Variants in SGCD observed in about 807,000 individuals in gnomAD.
SGCD encodes the protein sarcoglycan delta, also known as delta-sarcoglycan.
A neutral mutation model predicts 36.6 loss-of-function variants in SGCD; 18 were observed. That is an observed-to-expected ratio of 0.49 (90% CI 0.34 to 0.73). SGCD has a LOEUF of 0.73. SGCD is among the 30% of genes least tolerant of loss of function. The pLI is 0.01. For synonymous variants in SGCD, 133 were observed against 130.6 expected, an observed-to-expected ratio of 1.02 and a Z score of -0.12; for missense variants, 387 against 346.7, an observed-to-expected ratio of 1.12 and a Z score of -0.92.
intron 7 of SGCD, among the ~76,000 whole-genome samples, chr5:156,649,070 C>T (rs462375): frequency 0.89 from 134,858 of 152,162 alleles, 59,853 homozygotes; most frequent in East Asian, 0.99. Flanking sequence ...AGATAATTCT[C>T]AAAAGAAGAC....
chr5:156,537,271 A>G (rs1758155603), intron 4 of SGCD, among the ~76,000 whole-genome samples: 1 of 152,030 alleles, frequency 6.6e-6, no homozygotes, highest in Non-Finnish European at 1.5e-5. Context: ...ATGATCATCC[A>G]TCTTTTACCT....
At chr5:156,474,980 G>T (rs576014942) in intron 3 of SGCD, among the ~76,000 whole-genome samples, 2 of 152,166 alleles carry the variant, frequency 1.3e-5, no homozygotes, top group Non-Finnish European at 2.9e-5. Context: ...ATGAGCTAAT[G>T]CATGTAGAGA....
intron 4 of SGCD, among the ~76,000 whole-genome samples, chr5:156,566,930 A>G (rs1759503377): frequency 6.6e-6 from 1 of 152,134 alleles, no homozygotes; most frequent in Admixed American, 6.5e-5. Flanking sequence ...CATACTAGTG[A>G]GTTCTAATCT....
intron 1 of SGCD, among the ~76,000 whole-genome samples, chr5:155,945,499 A>G (rs1757420632): frequency 6.6e-6 from 1 of 152,200 alleles, no homozygotes; most frequent in Non-Finnish European, 1.5e-5. Flanking sequence ...ATGCAACTAC[A>G]AATGATGGTA....
the SGCD span, among the ~76,000 whole-genome samples, chr5:155,819,188 A>G: frequency 2.6e-5 from 4 of 152,190 alleles, no homozygotes; most frequent in South Asian, 2.1e-4. Flanking sequence ...GAAATCCCAA[A>G]TATATTTTGA....
At chr5:155,729,520 T>G in the SGCD span, among the ~76,000 whole-genome samples, 1 of 152,236 alleles carries the variant, frequency 6.6e-6, no homozygotes, top group Non-Finnish European at 1.5e-5. Flanking sequence ...TATCTTTTGC[T>G]GACGGATCCA....
chr5:156,312,087 G>A (rs1386057553), intron 3 of SGCD, among the ~76,000 whole-genome samples: 1 of 152,174 alleles, frequency 6.6e-6, no homozygotes, highest in East Asian at 1.9e-4. Flanking sequence ...ATCACAGGAA[G>A]GCAAAGGAAA....
At chr5:155,762,976 C>T in the SGCD span, among the ~76,000 whole-genome samples, 1 of 152,180 alleles carries the variant, frequency 6.6e-6, no homozygotes, top group Admixed American at 6.5e-5. Context: ...TTTCCCCACT[C>T]CTGAATTGAC....
chr5:156,244,163 C>A (rs1765381338), intron 3 of SGCD, among the ~76,000 whole-genome samples: 1 of 152,068 alleles, frequency 6.6e-6, no homozygotes, highest in African/African-American at 2.4e-5. Context: ...AAGATGCAAC[C>A]CTGTCAAAGA....
At chr5:156,174,576 G>C (rs1050628694) in intron 3 of SGCD, among the ~76,000 whole-genome samples, 5 of 152,200 alleles carry the variant, frequency 3.3e-5, no homozygotes, top group South Asian at 2.1e-4. Flanking sequence ...CAAGAGCAAA[G>C]TACAGAGATG....
chr5:155,749,962 G>T, the SGCD span, among the ~76,000 whole-genome samples: 177 of 152,264 alleles, frequency 1.2e-3, no homozygotes, highest in African/African-American at 4.1e-3. Flanking sequence ...CTTTGCTTTT[G>T]TTGAAGCTGT....
At chr5:156,257,311 A>G (rs2127663602) in intron 3 of SGCD, among the ~76,000 whole-genome samples, 1 of 151,956 alleles carries the variant, frequency 6.6e-6, no homozygotes, top group South Asian at 2.1e-4. Context: ...CGTCTCTACT[A>G]AAAATACAAA....
chr5:156,524,324 G>T (rs1757561257), intron 4 of SGCD, among the ~76,000 whole-genome samples: 1 of 142,658 alleles, frequency 7.0e-6, no homozygotes, highest in South Asian at 2.2e-4. Flanking sequence ...CAGGAGTTAA[G>T]AAACTAGGAT....
At chr5:156,619,038 T>C (rs866696951) in intron 6 of SGCD, among the ~76,000 whole-genome samples, 23 of 148,440 alleles carry the variant, frequency 1.5e-4, no homozygotes, top group African/African-American at 5.2e-4. Flanking sequence ...TTTTTTTTTT[T>C]CTTCTGAGAC....
intron 4 of SGCD, among the ~76,000 whole-genome samples, chr5:156,554,075 A>C (rs1229449961): frequency 6.6e-6 from 1 of 152,084 alleles, no homozygotes; most frequent in Non-Finnish European, 1.5e-5. Context: ...ACATTTTGAG[A>C]CCAGGTGCAG....
intron 1 of SGCD, among the ~76,000 whole-genome samples, chr5:156,025,581 A>G (rs998159399): frequency 6.6e-6 from 1 of 152,234 alleles, no homozygotes; most frequent in Admixed American, 6.5e-5. Context: ...GGAGCATCTT[A>G]GAGCACTACT....
intron 3 of SGCD, among the ~76,000 whole-genome samples, chr5:156,481,316 G>GGTA (rs1376226046): frequency 6.6e-6 from 1 of 152,132 alleles, no homozygotes; most frequent in African/African-American, 2.4e-5. Flanking sequence ...GCTGGGAGAT[G>GGTA]GTAGGGGTCT....
At chr5:156,019,364 TC>T (rs1286602418) in intron 1 of SGCD, among the ~76,000 whole-genome samples, 1 of 152,220 alleles carries the variant, frequency 6.6e-6, no homozygotes, top group Non-Finnish European at 1.5e-5. Context: ...CCTGGATGTT[TC>T]AGTTTAACTT....
At chr5:155,793,953 G>GAAA in the SGCD span, among the ~76,000 whole-genome samples, 1,368 of 100,300 alleles carry the variant, frequency 0.014, 16 homozygotes, top group African/African-American at 0.044. Flanking sequence ...AAGCAAAAAT[G>GAAA]AAAAAAAAAA....
Sources: gnomAD v4.1 joint callset for allele counts (sites outside exome capture counted in the v4.1 genomes callset) on GRCh38, gnomAD v4.1.1 for gene constraint, MANE v1.5 for transcripts, NCBI Gene and HGNC (gene_info 2026-07-23, HGNC 2026-07-21) for gene names.